SLCO5A1: variants seen among roughly 807,000 people sequenced by gnomAD.
SLCO5A1 encodes the protein organic anion transporter polypeptide-related protein 4.
A neutral mutation model predicts 65.1 loss-of-function variants in SLCO5A1; 39 were observed. The observed-to-expected ratio is 0.60, with a 90% CI of 0.46 to 0.78. The LOEUF is 0.78. SLCO5A1 is among the 30% of genes least tolerant of loss of function. SLCO5A1 has a pLI of 0.00. For synonymous variants in SLCO5A1, 438 were observed against 415.7 expected (o/e 1.05, Z -0.65); for missense variants, 1,029 against 1,069.4 (o/e 0.96, Z 0.53).
At chr8:69,692,313 A>G (rs1341167857) in intron 6 of SLCO5A1, among the ~76,000 whole-genome samples, 1 of 152,150 alleles carries the variant, frequency 6.6e-6, no homozygotes, top group Non-Finnish European at 1.5e-5. Context: ...TCATGAATGG[A>G]GCCTGCAGGA....
rs1359849794 is a variant in SLCO5A1, at chr8:69,761,779, T to C, written c.1004A>G (p.His335Arg). The stretch of plus-strand genomic sequence containing the variant: ...GAAACGAGGGTCATTCTGGTCAAGG[T>C]GAACAGGATTTCTGGGATCAACATA... ...GFYVDPRNPVHLDQNDPRFIG... is the reference protein window; with the variant it reads ...GFYVDPRNPVRLDQNDPRFIG... The change falls in exon 3 of 10, where the codon CAC becomes CGC. Residue 335 changes from histidine to arginine, a missense_variant. Transcript: ENST00000260126. 25 of 1,613,942 alleles carry C rather than the reference T, an allele frequency of 1.5e-5. No individual in the cohort carries two copies. The highest frequency in any genetic ancestry group is 2.1e-5 in the Non-Finnish European group (25 of 1,179,966).
chr8:69,712,824 C>A (rs1470455336), intron 5 of SLCO5A1, among the ~76,000 whole-genome samples: 2 of 152,096 alleles, frequency 1.3e-5, no homozygotes, highest in Non-Finnish European at 2.9e-5. Flanking sequence ...TATATAAAAT[C>A]TTATATAACT....
chr8:69,834,086 CCACACACACA>C lies in SLCO5A1; in HGVS notation c.-497+758_-497+767del, dbSNP rs60625289. ...CTGGGGAGCGTGTGCGCGTGCGCGG[CCACACACACA>C]CACACACACACACACACACACACAC... On this transcript the variant is annotated intron_variant, in intron 1 of 9. Transcript: ENST00000260126. The C allele has an allele frequency of 6.5e-3, 946 of 144,432 alleles. 7 individuals are homozygous for C. Among genetic ancestry groups the C allele is most frequent in the Non-Finnish European group, 5.4e-3 (355 of 66,300 alleles). 8.9% of individuals were successfully genotyped at this position (144,432 alleles called of 1,614,324 possible). A position where few individuals can be genotyped will look rare whatever the true frequency, so the allele number is the denominator to read the frequency against.
At chr8:69,794,644 T>G in intron 2 of SLCO5A1, 1 of 326,220 alleles carries the variant, frequency 3.1e-6, no homozygotes, top group East Asian at 8.9e-5. Context: ...CAGGGCTGTT[T>G]TTAGGACTCT....
intron 2 of SLCO5A1, among the ~76,000 whole-genome samples, chr8:69,777,700 C>G (rs1818617308): frequency 1.3e-5 from 2 of 152,304 alleles, no homozygotes; most frequent in Middle Eastern, 6.8e-3. Context: ...AGCTCTGTCC[C>G]CACCGGGGAT....
rs558248676 is a variant in SLCO5A1 at position 69,804,606 on chromosome 8, G to A, written c.907+27161C>T. Among the ~76,000 whole-genome samples, 30 of 152,278 alleles carry A rather than the reference G, an allele frequency of 2.0e-4. No homozygotes were observed. In the South Asian group the frequency reaches 4.4e-3, roughly 22 times the overall value. On this transcript the variant is annotated intron_variant, in intron 2 of 9. Transcript: ENST00000260126. ...GCTGGGATTACAGGCATGAGCCACC[G>A]TGCCCAGCTGCTTCTTGTATTTTCT...
At chr8:69,729,820 A>G (rs1027461096) in intron 5 of SLCO5A1, among the ~76,000 whole-genome samples, 3 of 152,180 alleles carry the variant, frequency 2.0e-5, no homozygotes, top group African/African-American at 7.2e-5. Context: ...CCTATGATCA[A>G]GATGAAAATA....
intron 4 of SLCO5A1, among the ~76,000 whole-genome samples, chr8:69,749,368 C>T (rs1216529879): frequency 6.6e-6 from 1 of 152,106 alleles, no homozygotes; most frequent in Non-Finnish European, 1.5e-5. Flanking sequence ...CCTGTAATCC[C>T]AACATTTTGG....
chr8:69,743,347 TTTTG>T (rs971280452), intron 4 of SLCO5A1, among the ~76,000 whole-genome samples: 2 of 152,132 alleles, frequency 1.3e-5, no homozygotes, highest in East Asian at 1.9e-4. Flanking sequence ...AGGTCTTTAT[TTTTG>T]TTTGTTTGTT....
At chr8:69,678,832 C>T (rs1285883491) in intron 8 of SLCO5A1, among the ~76,000 whole-genome samples, 2 of 151,754 alleles carry the variant, frequency 1.3e-5, no homozygotes, top group Non-Finnish European at 2.9e-5. Flanking sequence ...TCACATTCCC[C>T]AATATGCCCT....
chr8:69,711,324 C>T (rs1815243491), intron 5 of SLCO5A1, among the ~76,000 whole-genome samples: 1 of 152,160 alleles, frequency 6.6e-6, no homozygotes, highest in African/African-American at 2.4e-5. Context: ...CACCACTGCG[C>T]ACCTCACCTC....
chr8:69,696,904 A>G (rs1814520641), intron 6 of SLCO5A1, among the ~76,000 whole-genome samples: 1 of 152,168 alleles, frequency 6.6e-6, no homozygotes, highest in Non-Finnish European at 1.5e-5. Flanking sequence ...AAATCCTCAA[A>G]ATAAAAAATG....
chr8:69,710,242 C>A (rs1313689142), intron 5 of SLCO5A1, among the ~76,000 whole-genome samples: 1 of 152,122 alleles, frequency 6.6e-6, no homozygotes, highest in African/African-American at 2.4e-5. Flanking sequence ...TGTTCTCGAA[C>A]TCCTGACCTC....
chr8:69,687,046 A>G (rs530622780), intron 6 of SLCO5A1, among the ~76,000 whole-genome samples: 5 of 131,370 alleles, frequency 3.8e-5, no homozygotes, highest in African/African-American at 1.2e-4. Context: ...AGATATTGGT[A>G]TCTTTCCGCA....
chr8:69,795,681 G>A (rs901076839), intron 2 of SLCO5A1, among the ~76,000 whole-genome samples: 1 of 152,190 alleles, frequency 6.6e-6, no homozygotes, highest in African/African-American at 2.4e-5. Flanking sequence ...TCTGGAGGAT[G>A]GTGGCCCTCT....
intron 2 of SLCO5A1, among the ~76,000 whole-genome samples, chr8:69,785,989 C>A (rs1288599919): frequency 1.3e-5 from 2 of 152,168 alleles, no homozygotes; most frequent in Non-Finnish European, 2.9e-5. Flanking sequence ...GTGAAATTTT[C>A]AAATTCACTT....
chr8:69,737,110 T>C (rs1816594945), intron 5 of SLCO5A1, among the ~76,000 whole-genome samples: 1 of 152,224 alleles, frequency 6.6e-6, no homozygotes, highest in Non-Finnish European at 1.5e-5. Flanking sequence ...AACCCAATGT[T>C]GTATGTCTTT....
In SLCO5A1 at chr8:69,668,405, C is replaced by G. The variant is rs1191887029; in HGVS notation, c.*4464G>C. On this transcript the variant is annotated 3_prime_UTR_variant, in exon 10 of 10. Coordinates refer to ENST00000260126, the MANE Select transcript of SLCO5A1 (RefSeq NM_030958.3). ...TAGCAAACCTGCAGTTTAGGCAATT[C>G]TGGGATTATACAGTATTTTGGTATC... 6.6e-6 allele frequency: 1 copy of G among 152,188 alleles called. No homozygotes were observed. Among genetic ancestry groups the G allele is most frequent in the Non-Finnish European group, 1.5e-5 (1 of 68,028 alleles). 9.4% of individuals were successfully genotyped at this position (152,188 alleles called of 1,614,324 possible).
At chr8:69,735,371 T>C (rs1163081257) in intron 5 of SLCO5A1, among the ~76,000 whole-genome samples, 3 of 152,218 alleles carry the variant, frequency 2.0e-5, no homozygotes, top group Admixed American at 1.3e-4. Context: ...CGTGCACACG[T>C]ATGTTCATTG....
Sources: gnomAD v4.1 joint callset for allele counts (sites outside exome capture counted in the v4.1 genomes callset) on GRCh38, gnomAD v4.1.1 for gene constraint, MANE v1.5 for transcripts, NCBI Gene and HGNC (gene_info 2026-07-23, HGNC 2026-07-21) for gene names.